The following NRG1 variants were observed in gnomAD, a reference collection of about 807,000 sequenced individuals.
NRG1 encodes the protein pro-neuregulin-1, membrane-bound isoform.
Under a neutral mutation model 63.8 loss-of-function variants are expected in NRG1, and 18 were observed. The ratio of observed to expected loss-of-function variants is 0.28; its 90% CI spans 0.19 to 0.42. The LOEUF is 0.42. NRG1 is among the 10% of genes least tolerant of loss of function. The pLI, the probability that NRG1 is intolerant of heterozygous loss-of-function variation, is 1.00. For missense variants in NRG1, 762 were observed against 814.7 expected (o/e 0.94, Z 0.79); for synonymous variants, 302 against 301.3 (o/e 1.00, Z -0.02).
chr8:32,224,434 G>A (rs551344909), intron 1 of NRG1, among the ~76,000 whole-genome samples: 3 of 152,240 alleles, frequency 2.0e-5, no homozygotes, highest in Admixed American at 6.5e-5. Flanking sequence ...CTTCTTTTCT[G>A]AATTAATCCT....
chr8:32,387,686 T>C (rs1288208611), intron 1 of NRG1, among the ~76,000 whole-genome samples: 1 of 150,802 alleles, frequency 6.6e-6, no homozygotes. Context: ...ACCCTTTTCC[T>C]AAAACAATTA....
At chr8:32,689,365 T>G (rs1276752691) in intron 5 of NRG1, among the ~76,000 whole-genome samples, 1 of 151,514 alleles carries the variant, frequency 6.6e-6, no homozygotes, top group Admixed American at 6.6e-5. Flanking sequence ...AAAAATTACC[T>G]TTCTTTCTTA....
At chr8:32,196,904 C>A (rs1843000108) in intron 1 of NRG1, among the ~76,000 whole-genome samples, 1 of 101,956 alleles carries the variant, frequency 9.8e-6, no homozygotes, top group Non-Finnish European at 2.0e-5. Context: ...TTTTATGTTT[C>A]TAAAGCTGGT....
At chr8:32,091,922 T>TGG in intron 1 of NRG1, among the ~76,000 whole-genome samples, 1 of 152,094 alleles carries the variant, frequency 6.6e-6, no homozygotes, top group Non-Finnish European at 1.5e-5. Flanking sequence ...CTCGATCTGA[T>TGG]GTGTCTGCTT....
chr8:31,840,817 CAAAT>C (rs777623519), intron 1 of NRG1, among the ~76,000 whole-genome samples: 55 of 152,152 alleles, frequency 3.6e-4, no homozygotes, highest in Admixed American at 5.2e-4. Flanking sequence ...GTGTAGGACA[CAAAT>C]AAAGAGAGAG....
intron 1 of NRG1, among the ~76,000 whole-genome samples, chr8:32,412,427 T>TATATATATATATATATAC (rs1815143548): frequency 4.1e-5 from 2 of 48,394 alleles, no homozygotes; most frequent in African/African-American, 6.6e-5. Context: ...TCTCTACATA[T>TATATATATATATATATAC]ATATATATAT....
At chr8:32,661,153 A>G (rs1319235177) in intron 5 of NRG1, among the ~76,000 whole-genome samples, 1 of 152,240 alleles carries the variant, frequency 6.6e-6, no homozygotes, top group Non-Finnish European at 1.5e-5. Context: ...CTCTGGCAAA[A>G]TGCCATCTGT....
intron 1 of NRG1, among the ~76,000 whole-genome samples, chr8:32,137,594 G>A (rs538368001): frequency 2.0e-5 from 3 of 152,136 alleles, no homozygotes; most frequent in African/African-American, 4.8e-5. Context: ...AGTATTTGAC[G>A]ATCTGCTTCT....
chr8:31,772,957 G>A (rs961362120), intron 1 of NRG1, among the ~76,000 whole-genome samples: 1 of 152,166 alleles, frequency 6.6e-6, no homozygotes, highest in Admixed American at 6.5e-5. Context: ...TAGCACTTGA[G>A]TGCCTCGAAG....
chr8:32,520,282 CTGTAGCTGGT>C (rs1170153153), intron 1 of NRG1, among the ~76,000 whole-genome samples: 2 of 151,690 alleles, frequency 1.3e-5, no homozygotes, highest in Non-Finnish European at 2.9e-5. Context: ...CCACTTCTGC[CTGTAGCTGGT>C]ACCACAGGCA....
chr8:32,661,110 C>T (rs1411882702), intron 5 of NRG1, among the ~76,000 whole-genome samples: 1 of 152,120 alleles, frequency 6.6e-6, no homozygotes, highest in Non-Finnish European at 1.5e-5. Context: ...AGAAATAGAG[C>T]GACATGGATG....
chr8:32,681,679 A>G (rs564477849), intron 5 of NRG1, among the ~76,000 whole-genome samples: 1 of 152,266 alleles, frequency 6.6e-6, no homozygotes, highest in East Asian at 1.9e-4. Context: ...AAAGTTTCAT[A>G]ATAATTAACT....
chr8:32,413,456 A>G (rs1389802475), intron 1 of NRG1, among the ~76,000 whole-genome samples: 1 of 152,138 alleles, frequency 6.6e-6, no homozygotes, highest in Non-Finnish European at 1.5e-5. Context: ...GTAGCATTCC[A>G]TTTTTACTTC....
At chr8:32,557,770 G>T (rs1835466523) in intron 1 of NRG1, among the ~76,000 whole-genome samples, 1 of 152,090 alleles carries the variant, frequency 6.6e-6, no homozygotes, top group Non-Finnish European at 1.5e-5. Context: ...GAAATGAGCG[G>T]GTAGGTTTGT....
intron 1 of NRG1, among the ~76,000 whole-genome samples, chr8:32,245,838 T>A (rs1848544798): frequency 6.6e-6 from 1 of 152,174 alleles, no homozygotes; most frequent in South Asian, 2.1e-4. Context: ...GCTAGGAAGC[T>A]ATATCAAGAA....
chr8:32,548,790 A>G, exon 1 of NRG1: 4 of 1,585,728 alleles, frequency 2.5e-6, no homozygotes, highest in Non-Finnish European at 3.4e-6. Context: ...AGGCTCCGGC[A>G]AGAAGCCGGA....
At chr8:32,677,875 A>G (rs965919043) in intron 5 of NRG1, among the ~76,000 whole-genome samples, 1 of 152,106 alleles carries the variant, frequency 6.6e-6, no homozygotes, top group Non-Finnish European at 1.5e-5. Context: ...CATTTCTAAC[A>G]AGGACCAAAA....
At chr8:31,687,892 C>T (rs533740358) in intron 1 of NRG1, among the ~76,000 whole-genome samples, 34 of 152,274 alleles carry the variant, frequency 2.2e-4, no homozygotes, top group Middle Eastern at 3.4e-3. Flanking sequence ...TTAGGTCAGG[C>T]GTTCTCTGCA....
intron 1 of NRG1, among the ~76,000 whole-genome samples, chr8:32,489,349 G>C (rs1210735178): frequency 6.6e-6 from 1 of 152,106 alleles, no homozygotes; most frequent in African/African-American, 2.4e-5. Context: ...CAACTCCTGG[G>C]ACCTTATCGG....
Sources: gnomAD v4.1 joint callset for allele counts (sites outside exome capture counted in the v4.1 genomes callset) on GRCh38, gnomAD v4.1.1 for gene constraint, MANE v1.5 for transcripts, NCBI Gene and HGNC (gene_info 2026-07-23, HGNC 2026-07-21) for gene names.